Variants in WDR7 observed in about 807,000 individuals in gnomAD.
The protein encoded by WDR7 is WD repeat-containing protein 7.
Under a neutral mutation model 169.4 loss-of-function variants are expected in WDR7, and 46 were observed. That is an observed-to-expected ratio of 0.27 (90% confidence interval 0.21 to 0.35). The LOEUF (loss-of-function observed/expected upper bound fraction) is 0.35. WDR7 is among the 10% of genes least tolerant of loss of function. The pLI is 1.00. For synonymous variants in WDR7, 612 were observed against 666.8 expected, an observed-to-expected ratio of 0.92 and a Z score of 1.27; for missense variants, 1,534 against 1,859.3, an observed-to-expected ratio of 0.83 and a Z score of 3.22.
intron 27 of WDR7, among the ~76,000 whole-genome samples, chr18:57,025,933 A>T (rs1002736717): frequency 6.6e-6 from 1 of 152,236 alleles, no homozygotes; most frequent in Non-Finnish European, 1.5e-5. Context: ...GCTTCATGCA[A>T]ATCTCTAGAA....
chr18:56,695,034 G>A lies in WDR7; in HGVS notation c.1193G>A (p.Ser398Asn). 5 of 1,614,198 alleles carry A rather than the reference G, an allele frequency of 3.1e-6. No individual in the cohort carries two copies. Among genetic ancestry groups the A allele is most frequent in the Non-Finnish European group, 4.2e-6 (5 of 1,180,038 alleles). The change falls in exon 11 of 28, where the codon AGT becomes AAT. Residue 398 changes from serine to asparagine, a missense_variant. Coordinates refer to ENST00000254442, the MANE Select transcript of WDR7 (RefSeq NM_015285.3). The part of the protein sequence containing the change: ...PCPAGIIDQL[S>N]VIPNSNEPLK... ...CCTGCTGGAATTATAGATCAGCTGA[G>A]TGTGATTCCCAATAGTAATGAACCT... is the stretch of plus-strand genomic sequence containing the variant.
At chr18:56,665,976 A>G (rs898902630) in intron 1 of WDR7, among the ~76,000 whole-genome samples, 1 of 152,026 alleles carries the variant, frequency 6.6e-6, no homozygotes, top group Non-Finnish European at 1.5e-5. Context: ...TCTGGCCTTT[A>G]TATTTCCATA....
intron 14 of WDR7, among the ~76,000 whole-genome samples, chr18:56,750,104 T>C (rs1374531423): frequency 6.6e-6 from 1 of 152,106 alleles, no homozygotes; most frequent in East Asian, 1.9e-4. Flanking sequence ...GTTCTGTTGT[T>C]TTCCTTGGGT....
chr18:56,797,543 C>T (rs2044604886), intron 19 of WDR7, among the ~76,000 whole-genome samples: 1 of 149,704 alleles, frequency 6.7e-6, no homozygotes, highest in Non-Finnish European at 1.5e-5. Flanking sequence ...AAATATAAAA[C>T]AGGTATAAAT....
chr18:56,656,341 G>T (rs148304370), intron 1 of WDR7, among the ~76,000 whole-genome samples: 3 of 149,570 alleles, frequency 2.0e-5, no homozygotes, highest in African/African-American at 4.9e-5. Flanking sequence ...GTGCAGTGGC[G>T]CAATCTTGGC....
At chr18:56,845,205 G>T (rs535164235) in intron 20 of WDR7, among the ~76,000 whole-genome samples, 2 of 151,962 alleles carry the variant, frequency 1.3e-5, no homozygotes, top group Non-Finnish European at 2.9e-5. Context: ...TACAAAAAGG[G>T]ATCTTTACTA....
At position 56,832,580 on chromosome 18, in the gene WDR7, T is replaced by G. The variant is rs529322938; in HGVS notation, c.3304+16436T>G. Among the ~76,000 whole-genome samples, 32 of 152,248 alleles carry G rather than the reference T, an allele frequency of 2.1e-4. No individual in the cohort carries two copies. In the South Asian group the frequency reaches 6.0e-3, roughly 29 times the overall value. On this transcript the variant is annotated intron_variant, in intron 20 of 27. Coordinates refer to ENST00000254442, the MANE Select transcript of WDR7 (RefSeq NM_015285.3). Reference sequence around the variant, plus strand: ...CCAGCAGGGGTCAACAGACACCTCATACAGGAGAGCTCTGGCTGGCATCTG... The same window carrying G: ...CCAGCAGGGGTCAACAGACACCTCAGACAGGAGAGCTCTGGCTGGCATCTG...
intron 21 of WDR7, among the ~76,000 whole-genome samples, chr18:56,915,895 C>T (rs188429077): frequency 6.6e-6 from 1 of 152,184 alleles, no homozygotes; most frequent in Non-Finnish European, 1.5e-5. Context: ...AGCGAGGGAC[C>T]CTTTGTCATG....
chr18:56,969,928 G>A lies in WDR7; in HGVS notation c.4164+7399G>A, dbSNP rs537311569. ...TTGCGTAGTTAATAGAGTAGATTCT[G>A]AAACTGAGCTGCCTGAATTCAAGTC... On this transcript the variant is annotated intron_variant, in intron 26 of 27. Coordinates refer to ENST00000254442, the MANE Select transcript of WDR7 (RefSeq NM_015285.3). 4.6e-5 allele frequency among the ~76,000 whole-genome samples: 7 copies of A among 152,246 alleles called. No individual in the cohort carries two copies. In the East Asian group the frequency reaches 1.2e-3, roughly 25 times the overall value.
intron 25 of WDR7, chr18:56,957,226 G>T (rs146028679): frequency 6.6e-6 from 1 of 152,270 alleles, no homozygotes; most frequent in East Asian, 1.9e-4. Context: ...TTGCAGAAAA[G>T]TATGTGTAGT....
intron 20 of WDR7, among the ~76,000 whole-genome samples, chr18:56,838,495 A>C (rs1407313624): frequency 6.6e-6 from 1 of 152,198 alleles, no homozygotes; most frequent in African/African-American, 2.4e-5. Context: ...TCTACTTCTA[A>C]ATTTGTACAT....
chr18:56,878,094 A>C (rs1387408691), intron 20 of WDR7, among the ~76,000 whole-genome samples: 1 of 152,236 alleles, frequency 6.6e-6, no homozygotes, highest in African/African-American at 2.4e-5. Flanking sequence ...TGTAAGTCTT[A>C]AAAGAATGTA....
intron 14 of WDR7, among the ~76,000 whole-genome samples, chr18:56,739,437 T>G (rs2043579038): frequency 6.6e-6 from 1 of 152,194 alleles, no homozygotes. Flanking sequence ...TTAGTTGCCA[T>G]GCATTGTAAC....
intron 20 of WDR7, among the ~76,000 whole-genome samples, chr18:56,826,570 T>G (rs1349769174): frequency 6.6e-6 from 1 of 152,218 alleles, no homozygotes; most frequent in Non-Finnish European, 1.5e-5. Context: ...TATTTAATAT[T>G]TGAAGTGAAG....
intron 20 of WDR7, among the ~76,000 whole-genome samples, chr18:56,861,734 A>G (rs1485629712): frequency 6.6e-6 from 1 of 152,132 alleles, no homozygotes; most frequent in African/African-American, 2.4e-5. Flanking sequence ...CAGCATGTTA[A>G]GGTTTAGCGG....
chr18:56,869,009 T>C (rs1009032607), intron 20 of WDR7, among the ~76,000 whole-genome samples: 1 of 152,038 alleles, frequency 6.6e-6, no homozygotes, highest in Non-Finnish European at 1.5e-5. Flanking sequence ...TAAAGGGAAA[T>C]ATAAGATGAT....
intron 19 of WDR7, among the ~76,000 whole-genome samples, chr18:56,793,138 T>C (rs962945521): frequency 6.6e-6 from 1 of 152,030 alleles, no homozygotes; most frequent in Admixed American, 6.5e-5. Flanking sequence ...TAATGTTTGA[T>C]ACATACTTCA....
intron 20 of WDR7, among the ~76,000 whole-genome samples, chr18:56,872,969 G>A (rs140829211): frequency 6.6e-6 from 1 of 152,206 alleles, no homozygotes; most frequent in East Asian, 1.9e-4. Flanking sequence ...GAAAGTACAG[G>A]CAAGCCAATA....
chr18:56,963,557 G>C (rs191614854), intron 26 of WDR7, among the ~76,000 whole-genome samples: 1 of 152,198 alleles, frequency 6.6e-6, no homozygotes, highest in East Asian at 1.9e-4. Flanking sequence ...GATACTGTTG[G>C]AATGTTAAAC....
Sources: gnomAD v4.1 joint callset for allele counts (sites outside exome capture counted in the v4.1 genomes callset) on GRCh38, gnomAD v4.1.1 for gene constraint, MANE v1.5 for transcripts, NCBI Gene and HGNC (gene_info 2026-07-23, HGNC 2026-07-21) for gene names.